Variants in ELN observed in about 807,000 individuals in gnomAD.
ELN encodes the protein tropoelastin.
ELN carries 65 observed loss-of-function variants against 105.8 expected under a neutral mutation model. The observed-to-expected ratio is 0.61, with a 90% CI of 0.50 to 0.75. ELN has a LOEUF of 0.75. Among genes scored for constraint, ELN ranks in the 30% least tolerant of loss-of-function variants. The pLI, the probability that ELN is intolerant of heterozygous loss-of-function variation, is 0.00. For synonymous variants in ELN, 368 were observed against 389.2 expected (o/e 0.95, Z 0.64); for missense variants, 882 against 969.4 (o/e 0.91, Z 1.20).
intron 22 of ELN, 74 bp downstream of exon 22, chr7:74,057,770 G>T (rs1242599579): frequency 6.5e-7 from 1 of 1,547,122 alleles, no homozygotes; most frequent in Non-Finnish European, 8.9e-7. Context: ...GGGTCTGACC[G>T]CCCAGCTTCC....
chr7:74,043,576 A>G (rs782754350), intron 8 of ELN: 223 of 645,164 alleles, frequency 3.5e-4, no homozygotes, highest in Non-Finnish European at 5.5e-4. Flanking sequence ...GTTAAACAAA[A>G]GACTGCCTGA....
At chr7:74,043,201 A>G in intron 8 of ELN, 33 bp downstream of exon 8, 1 of 1,564,312 alleles carries the variant, frequency 6.4e-7, no homozygotes, top group Non-Finnish European at 8.7e-7. Context: ...TGGAGGACAG[A>G]GGGCAGGGAG....
chr7:74,047,542 T>G, intron 12 of ELN, 133 bp from the exon 13 acceptor site: 2 of 1,278,678 alleles, frequency 1.6e-6, no homozygotes, highest in Non-Finnish European at 1.1e-6. Flanking sequence ...TTTGCTCTCC[T>G]GGGAGCAGCT....
In ELN at chr7:74,051,857, AG is replaced by A; in HGVS notation, c.889+23del. 1 of 1,614,186 alleles carries A rather than the reference AG, an allele frequency of 6.2e-7. No individual in the cohort carries two copies. Among genetic ancestry groups the A allele is most frequent in the Non-Finnish European group, 8.5e-7 (1 of 1,180,010 alleles). ...CATCGCAGGTAACATCTGTCCCAGCAGGGGGCGGGTGTGTCCTTGAGATGGC... is the reference window on the plus strand; with the variant it reads ...CATCGCAGGTAACATCTGTCCCAGCAGGGGCGGGTGTGTCCTTGAGATGGC... On this transcript the variant is annotated intron_variant, in intron 16 of 32. Coordinates refer to ENST00000252034, the MANE Select transcript of ELN (RefSeq NM_000501.4).
intron 10 of ELN, among the ~76,000 whole-genome samples, 193 bp downstream of exon 10, chr7:74,045,486 C>T (rs551941827): frequency 6.6e-6 from 1 of 152,306 alleles, no homozygotes; most frequent in South Asian, 2.1e-4. Context: ...CACCTGTAAT[C>T]CCAGTATTTT....
chr7:74,037,638 TG>T (rs1790278763), intron 3 of ELN, 68 bp from the exon 4 acceptor site: 1 of 1,579,300 alleles, frequency 6.3e-7, no homozygotes, highest in Admixed American at 1.8e-5. Flanking sequence ...TTGCCCGGGT[TG>T]GGGGTTGGAT....
chr7:74,044,289 C>T (rs1791951665), intron 9 of ELN, among the ~76,000 whole-genome samples: 1 of 151,952 alleles, frequency 6.6e-6, no homozygotes, highest in Non-Finnish European at 1.5e-5. Flanking sequence ...CCTCAGCCTC[C>T]CTAGTACCCC....
intron 29 of ELN, 59 bp from the exon 30 acceptor site, chr7:74,065,635 G>T: frequency 5.5e-4 from 639 of 1,172,386 alleles, no homozygotes; most frequent in Non-Finnish European, 6.8e-4. Context: ...AAAAAAAAAA[G>T]ACAGGGCCTG....
intron 29 of ELN, among the ~76,000 whole-genome samples, chr7:74,065,118 G>A (rs1797656392): frequency 6.6e-6 from 1 of 152,086 alleles, no homozygotes; most frequent in Non-Finnish European, 1.5e-5. Context: ...TGGGCGTGGT[G>A]TGTGCCTGTA....
At chr7:74,057,312 C>A in intron 21 of ELN, 1 of 1,273,912 alleles carries the variant, frequency 7.8e-7, no homozygotes, top group Non-Finnish European at 1.0e-6. Flanking sequence ...TCCGATTCTC[C>A]CACCCACCCT....
chr7:74,036,401 C>T (rs1554665673), intron 2 of ELN, among the ~76,000 whole-genome samples, 154 bp from the exon 3 acceptor site: 1 of 151,910 alleles, frequency 6.6e-6, no homozygotes, highest in African/African-American at 2.4e-5. Flanking sequence ...GGACTACTGG[C>T]CAAGCAGAAG....
intron 1 of ELN, among the ~76,000 whole-genome samples, chr7:74,033,604 G>T (rs560603656): frequency 2.6e-5 from 4 of 152,364 alleles, no homozygotes; most frequent in East Asian, 1.9e-4. Context: ...GCCCTGGGAG[G>T]GGGTGGCGCC....
intron 1 of ELN, among the ~76,000 whole-genome samples, chr7:74,028,853 G>A (rs1225668945): frequency 6.6e-6 from 1 of 152,098 alleles, no homozygotes; most frequent in Admixed American, 6.5e-5. Context: ...AGGGACTCCT[G>A]GTATGCATTT....
rs1554672418 is a variant in ELN at position 74,046,689 on chromosome 7, C to T, written c.572-7C>T. The T allele has an allele frequency of 3.1e-6, 5 of 1,614,084 alleles. No individual in the cohort carries two copies. The Admixed American group carries it at 5.0e-5, about 16-fold the overall frequency. ...GGGACCTGAACTTGCTCTCTTTATT[C>T]CCACAGGAGTTGGACCCTTTGGGGG... On this transcript the variant is annotated splice_polypyrimidine_tract_variant and splice_region_variant and intron_variant, in intron 11 of 32. Coordinates refer to ENST00000252034, the MANE Select transcript of ELN (RefSeq NM_000501.4).
chr7:74,038,359 G>C (rs1348586555), intron 4 of ELN, among the ~76,000 whole-genome samples: 1 of 152,234 alleles, frequency 6.6e-6, no homozygotes, highest in Non-Finnish European at 1.5e-5. Context: ...CTTAGGCCAA[G>C]CCCTGACCCC....
At chr7:74,051,677 G>A (rs532782520) in intron 15 of ELN, 73 bp from the exon 16 acceptor site, 48 of 1,567,192 alleles carry the variant, frequency 3.1e-5, no homozygotes, top group East Asian at 6.8e-5. Context: ...AAACGCCGGC[G>A]TCTAAGTGGC....
chr7:74,054,564 G>C, intron 18 of ELN, 152 bp from the exon 19 acceptor site: 1 of 773,124 alleles, frequency 1.3e-6, no homozygotes, highest in South Asian at 1.4e-5. Context: ...GGGCAGGTGG[G>C]TGGACATCAG....
intron 8 of ELN, 196 bp from the exon 9 acceptor site, chr7:74,043,683 C>A: frequency 1.4e-6 from 1 of 699,640 alleles, no homozygotes; most frequent in South Asian, 1.7e-5. Flanking sequence ...TAAATCCACA[C>A]ACCGAAGAGT....
At chr7:74,066,144 G>A in intron 31 of ELN, 147 bp downstream of exon 31, 2 of 1,177,638 alleles carry the variant, frequency 1.7e-6, no homozygotes, top group African/African-American at 1.5e-5. Flanking sequence ...GATTGCAGAT[G>A]TACTGGGCAA....
Sources: gnomAD v4.1 joint callset for allele counts (sites outside exome capture counted in the v4.1 genomes callset) on GRCh38, gnomAD v4.1.1 for gene constraint, MANE v1.5 for transcripts, NCBI Gene and HGNC (gene_info 2026-07-23, HGNC 2026-07-21) for gene names.